Variants in PES1 observed in about 807,000 individuals in gnomAD.
The protein encoded by PES1 is pescadillo homolog.
PES1 carries 31 observed loss-of-function variants against 77.1 expected under a neutral mutation model. The ratio of observed to expected loss-of-function variants is 0.40; its 90% CI spans 0.30 to 0.54. The LOEUF (loss-of-function observed/expected upper bound fraction) is 0.54, where lower values mean the gene tolerates loss of function less well. Among genes scored for constraint, PES1 ranks in the 20% least tolerant of loss-of-function variants. The pLI, the probability that PES1 is intolerant of heterozygous loss-of-function variation, is 0.45. For synonymous variants in PES1, 282 were observed against 303.0 expected (o/e 0.93, Z 0.72); for missense variants, 658 against 771.7 (o/e 0.85, Z 1.75).
At chr22:30,588,769 T>G (rs2087132089) in intron 2 of PES1, among the ~76,000 whole-genome samples, 5 of 142,144 alleles carry the variant, frequency 3.5e-5, no homozygotes, top group African/African-American at 8.0e-5. Context: ...GCCAACAGAG[T>G]GAGACTCTGT....
chr22:30,584,332 A>ACAAGCC, intron 6 of PES1, 33 bp downstream of exon 6: 1 of 1,514,534 alleles, frequency 6.6e-7, no homozygotes. Context: ...AGGAGGCAGC[A>ACAAGCC]CAAGCCCGTC....
chr22:30,577,552 GCA>G (rs1252031623), intron 14 of PES1, among the ~76,000 whole-genome samples: 1 of 152,200 alleles, frequency 6.6e-6, no homozygotes, highest in Non-Finnish European at 1.5e-5. Flanking sequence ...TCAGCCTGGA[GCA>G]CAGTGGCACA....
At chr22:30,604,567 G>C (rs2087407583) in intron 2 of PES1, among the ~76,000 whole-genome samples, 1 of 151,856 alleles carries the variant, frequency 6.6e-6, no homozygotes, top group Admixed American at 6.6e-5. Context: ...CGGGAGGAGG[G>C]TGTAGTGAGC....
At chr22:30,590,939 T>G (rs1200225106) in intron 1 of PES1, among the ~76,000 whole-genome samples, 4 of 152,232 alleles carry the variant, frequency 2.6e-5, no homozygotes, top group Non-Finnish European at 5.9e-5. Flanking sequence ...CACTGGATAC[T>G]CAATGTAGTG....
intron 1 of PES1, among the ~76,000 whole-genome samples, chr22:30,590,946 A>T (rs1160762140): frequency 6.6e-6 from 1 of 152,222 alleles, no homozygotes; most frequent in Non-Finnish European, 1.5e-5. Flanking sequence ...TACTCAATGT[A>T]GTGTGTTGGG....
chr22:30,583,708 GA>G (rs1309994435), intron 6 of PES1, among the ~76,000 whole-genome samples: 6 of 152,258 alleles, frequency 3.9e-5, no homozygotes, highest in Non-Finnish European at 5.9e-5. Flanking sequence ...AGGACTGCTT[GA>G]GCTCAGGAGT....
chr22:30,592,362 G>C, upstream of PES1: 1 of 988,882 alleles, frequency 1.0e-6, no homozygotes, highest in Non-Finnish European at 1.2e-6. Context: ...GTTCCCACCG[G>C]CTTCGGGTTC....
chr22:30,597,877 G>GTTTTTTTTTTTTTTTTTTTTTTTTT lies in PES1; in HGVS notation c.-660-5480_-660-5479insAAAAAAAAAAAAAAAAAAAAAAAAA, dbSNP rs869064352. Among the ~76,000 whole-genome samples the GTTTTTTTTTTTTTTTTTTTTTTTTT allele has an allele frequency of 2.2e-5, 2 of 90,576 alleles. 1 individual carries two copies. Among genetic ancestry groups the GTTTTTTTTTTTTTTTTTTTTTTTTT allele is most frequent in the Admixed American group, 2.2e-4 (2 of 9,084 alleles). 59.4% of individuals were successfully genotyped at this position (90,576 alleles called of 152,430 possible). A position where few individuals can be genotyped will look rare whatever the true frequency, so the allele number is the denominator to read the frequency against. On this transcript the variant is annotated intron_variant, in intron 2 of 16. Coordinates refer to the PES1 transcript ENST00000402281. ...TCGGTTTTTTTTCCACGCAGTTGAA[G>GTTTTTTTTTTTTTTTTTTTTTTTTT]TTTTGTTTTTTTTTTTTTTGTTTTG...
intron 3 of PES1, 128 bp downstream of exon 3, chr22:30,587,893 T>C (rs1250230544): frequency 2.2e-6 from 2 of 906,750 alleles, no homozygotes; most frequent in Non-Finnish European, 3.4e-6. Flanking sequence ...AGTACTTCTG[T>C]TGAGGCTCAC....
intron 3 of PES1, 28 bp from the exon 4 acceptor site, chr22:30,587,423 T>C: frequency 6.5e-7 from 1 of 1,536,232 alleles, no homozygotes; most frequent in Non-Finnish European, 9.0e-7. Flanking sequence ...AACACCTCAA[T>C]GCTGAGGCTC....
intron 1 of PES1, among the ~76,000 whole-genome samples, chr22:30,591,575 C>T (rs945914514): frequency 2.0e-5 from 3 of 152,194 alleles, no homozygotes; most frequent in African/African-American, 7.2e-5. Flanking sequence ...TTGGTAAGTT[C>T]AACTCTCTTT....
intron 2 of PES1, among the ~76,000 whole-genome samples, chr22:30,601,624 C>A (rs762317927): frequency 1.3e-5 from 2 of 151,714 alleles, no homozygotes; most frequent in African/African-American, 2.4e-5. Context: ...TCATTCATGT[C>A]TTTTTATGGC....
chr22:30,593,667 A>G (rs2087216553), upstream of PES1, among the ~76,000 whole-genome samples: 1 of 152,160 alleles, frequency 6.6e-6, no homozygotes, highest in African/African-American at 2.4e-5. Flanking sequence ...CCATGTTTGC[A>G]GAAAGTTGAG....
intron 14 of PES1, among the ~76,000 whole-genome samples, chr22:30,578,026 T>C (rs2086928513): frequency 6.6e-6 from 1 of 152,210 alleles, no homozygotes; most frequent in Non-Finnish European, 1.5e-5. Context: ...CTCATGCCTC[T>C]AACCCCAACA....
At chr22:30,588,740 G>A (rs886650522) in intron 2 of PES1, among the ~76,000 whole-genome samples, 4 of 151,332 alleles carry the variant, frequency 2.6e-5, no homozygotes, top group African/African-American at 7.3e-5. Context: ...CTGAGATCAC[G>A]CCAATGCACT....
At chr22:30,604,013 A>G (rs933252907) in intron 2 of PES1, 1 of 152,228 alleles carries the variant, frequency 6.6e-6, no homozygotes, top group Non-Finnish European at 1.5e-5. Flanking sequence ...TTTTGAGGCA[A>G]GCAGGCTCCA....
chr22:30,576,959 G>T lies in PES1; in HGVS notation c.*87C>A. On this transcript the variant is annotated 3_prime_UTR_variant, in exon 15 of 15. Coordinates refer to ENST00000354694, the MANE Select transcript of PES1 (RefSeq NM_014303.4). ...AGAAAGGAGGAGGAGAAGTGACTCT[G>T]GTCCATCACACTTAGGTCCTCTGGC... The T allele has an allele frequency of 9.4e-7, 1 of 1,061,008 alleles. No homozygotes were observed. 65.7% of individuals were successfully genotyped at this position (1,061,008 alleles called of 1,614,324 possible). A position where few individuals can be genotyped will look rare whatever the true frequency, so the allele number is the denominator to read the frequency against.
chr22:30,586,810 CGTG>C (rs1290280029), intron 4 of PES1, among the ~76,000 whole-genome samples: 2 of 152,230 alleles, frequency 1.3e-5, no homozygotes, highest in South Asian at 4.1e-4. Flanking sequence ...ATTAGCCAGG[CGTG>C]GTGGTGGTGT....
At chr22:30,578,150 G>A (rs2086929992) in intron 14 of PES1, among the ~76,000 whole-genome samples, 1 of 152,148 alleles carries the variant, frequency 6.6e-6, no homozygotes, top group Non-Finnish European at 1.5e-5. Flanking sequence ...AGGTGTGGTG[G>A]CACACGCCCT....
Sources: allele counts gnomAD v4.1 joint callset (sites outside exome capture counted in the v4.1 genomes callset), GRCh38; gene constraint gnomAD v4.1.1; transcripts MANE v1.5; gene names NCBI Gene and HGNC (gene_info 2026-07-23, HGNC 2026-07-21).